The following LINGO2 variants were observed in gnomAD, a reference collection of about 807,000 sequenced individuals.
LINGO2 encodes leucine-rich repeat and immunoglobulin-like domain-containing nogo receptor-interacting protein 2.
Under a neutral mutation model 30.6 loss-of-function variants are expected in LINGO2, and 14 were observed. The observed-to-expected ratio is 0.46, with a 90% CI of 0.30 to 0.72. The LOEUF is 0.72. Ranked by LOEUF, LINGO2 falls within the 30% of genes least tolerant of loss-of-function variation. The probability of loss-of-function intolerance (pLI) is 0.07; values close to 1 mark genes in which losing one functional copy is unlikely to be tolerated. For missense variants in LINGO2, 729 were observed against 751.7 expected, an observed-to-expected ratio of 0.97 and a Z score of 0.35; for synonymous variants, 317 against 288.5, an observed-to-expected ratio of 1.10 and a Z score of -1.00.
At chr9:28,842,202 T>C in the LINGO2 span, among the ~76,000 whole-genome samples, 1 of 151,886 alleles carries the variant, frequency 6.6e-6, no homozygotes, top group Non-Finnish European at 1.5e-5. Context: ...TTGGAACAGA[T>C]TGATAACAAC....
chr9:28,181,221 T>A (rs1828901715), intron 4 of LINGO2, among the ~76,000 whole-genome samples: 1 of 152,136 alleles, frequency 6.6e-6, no homozygotes, highest in Admixed American at 6.6e-5. Flanking sequence ...GATTTTAGAT[T>A]ATGCTTACTG....
chr9:28,851,991 T>C, the LINGO2 span, among the ~76,000 whole-genome samples: 1 of 151,880 alleles, frequency 6.6e-6, no homozygotes, highest in African/African-American at 2.4e-5. Context: ...TCAGTATTTT[T>C]CCATAAATCA....
the LINGO2 span, among the ~76,000 whole-genome samples, chr9:28,974,891 G>A: frequency 3.9e-5 from 6 of 151,910 alleles, no homozygotes; most frequent in South Asian, 2.1e-4. Flanking sequence ...AGTGAATAAC[G>A]GAGCCAGAAT....
chr9:28,913,558 G>A, the LINGO2 span, among the ~76,000 whole-genome samples: 1 of 152,038 alleles, frequency 6.6e-6, no homozygotes, highest in East Asian at 1.9e-4. Context: ...AATCTCCAAT[G>A]TATAGATAGT....
At chr9:28,152,850 A>G (rs1300157183) in intron 4 of LINGO2, among the ~76,000 whole-genome samples, 1 of 152,204 alleles carries the variant, frequency 6.6e-6, no homozygotes, top group Admixed American at 6.5e-5. Context: ...CATAAAGAAA[A>G]TAACTGATAA....
chr9:29,203,200 G>C, the LINGO2 span, among the ~76,000 whole-genome samples: 1 of 152,046 alleles, frequency 6.6e-6, no homozygotes, highest in Non-Finnish European at 1.5e-5. Context: ...AGAAAGAAGG[G>C]GTAATGGACT....
the LINGO2 span, among the ~76,000 whole-genome samples, chr9:29,052,556 G>T: frequency 6.6e-6 from 1 of 152,102 alleles, no homozygotes; most frequent in Non-Finnish European, 1.5e-5. Flanking sequence ...AAAAAATCAT[G>T]TAAGTTTTTG....
intron 2 of LINGO2, among the ~76,000 whole-genome samples, chr9:28,424,301 G>C (rs942188572): frequency 6.6e-6 from 1 of 152,148 alleles, no homozygotes; most frequent in African/African-American, 2.4e-5. Context: ...TAGCCTGCAA[G>C]AGGCCTTTCA....
At chr9:28,476,954 T>C (rs1325124425) in intron 1 of LINGO2, among the ~76,000 whole-genome samples, 2 of 152,240 alleles carry the variant, frequency 1.3e-5, no homozygotes, top group Non-Finnish European at 2.9e-5. Flanking sequence ...AGGATTAGAA[T>C]ATGACATTTC....
At position 28,615,223 on chromosome 9, in the gene LINGO2, C is replaced by A. The variant is rs189051925; in HGVS notation, c.-365+54977G>T. Among the ~76,000 whole-genome samples the A allele has an allele frequency of 1.1e-4, 17 of 152,220 alleles. No individual in the cohort carries two copies. In the East Asian group the frequency reaches 2.7e-3, roughly 24 times the overall value. ...AATATCTTGGTCATTGATTTGTCCA[C>A]TTCTTAGAGGGCCCATGGATAATTC... is the stretch of plus-strand genomic sequence containing the variant. On this transcript the variant is annotated intron_variant, in intron 1 of 5. Transcript: ENST00000379992.
the LINGO2 span, among the ~76,000 whole-genome samples, chr9:28,912,376 T>C: frequency 6.6e-6 from 1 of 152,076 alleles, no homozygotes; most frequent in African/African-American, 2.4e-5. Flanking sequence ...CCTCCACTCA[T>C]CTAGTCATTT....
chr9:28,584,562 A>G (rs1430680696), intron 1 of LINGO2, among the ~76,000 whole-genome samples: 1 of 152,062 alleles, frequency 6.6e-6, no homozygotes, highest in Non-Finnish European at 1.5e-5. Context: ...AAAAAAAATT[A>G]TCCCTGTGTC....
chr9:28,268,937 C>A (rs1822846508), intron 4 of LINGO2, among the ~76,000 whole-genome samples: 1 of 152,062 alleles, frequency 6.6e-6, no homozygotes, highest in African/African-American at 2.4e-5. Flanking sequence ...GCTGGCCTTT[C>A]TAATCTCATC....
At chr9:28,618,254 G>A (rs1462297618) in intron 1 of LINGO2, among the ~76,000 whole-genome samples, 1 of 151,974 alleles carries the variant, frequency 6.6e-6, no homozygotes, top group East Asian at 1.9e-4. Flanking sequence ...ATTAGAGGCG[G>A]CATCACCACA....
chr9:28,067,826 A>T (rs1425496491), intron 4 of LINGO2, among the ~76,000 whole-genome samples: 1 of 152,182 alleles, frequency 6.6e-6, no homozygotes. Flanking sequence ...TTATCATAAC[A>T]ATGCTACGAT....
chr9:27,981,432 T>C, intron 5 of LINGO2, among the ~76,000 whole-genome samples: 1 of 150,686 alleles, frequency 6.6e-6, no homozygotes, highest in Non-Finnish European at 1.5e-5. Flanking sequence ...TTCGTATTAT[T>C]TCTACAAACC....
intron 1 of LINGO2, among the ~76,000 whole-genome samples, chr9:28,530,343 G>T (rs1233586026): frequency 1.3e-5 from 2 of 152,018 alleles, no homozygotes; most frequent in East Asian, 1.9e-4. Context: ...TCAGGCAATA[G>T]TTGCACTTGC....
intron 3 of LINGO2, among the ~76,000 whole-genome samples, chr9:28,353,643 C>G (rs1173803972): frequency 6.6e-6 from 1 of 152,004 alleles, no homozygotes; most frequent in Non-Finnish European, 1.5e-5. Flanking sequence ...CCCAGCCATC[C>G]CATTACTGGA....
chr9:29,008,126 T>C, the LINGO2 span, among the ~76,000 whole-genome samples: 1 of 152,200 alleles, frequency 6.6e-6, no homozygotes, highest in African/African-American at 2.4e-5. Flanking sequence ...CCACCCTGTG[T>C]CCAAGTGTTC....
Sources: allele counts gnomAD v4.1 joint callset (sites outside exome capture counted in the v4.1 genomes callset), GRCh38; gene constraint gnomAD v4.1.1; transcripts MANE v1.5; gene names NCBI Gene and HGNC (gene_info 2026-07-23, HGNC 2026-07-21).